KCNIP4: variants seen among roughly 807,000 people sequenced by gnomAD.
KCNIP4 encodes Kv channel-interacting protein 4.
A neutral mutation model predicts 34.0 loss-of-function variants in KCNIP4; 12 were observed. The ratio of observed to expected loss-of-function variants is 0.35; its 90% CI spans 0.23 to 0.57. The LOEUF (loss-of-function observed/expected upper bound fraction) is 0.57. Ranked by LOEUF, KCNIP4 falls within the 20% of genes least tolerant of loss-of-function variation. KCNIP4 has a pLI of 0.83. For missense variants in KCNIP4, 238 were observed against 311.7 expected (o/e 0.76, Z 1.78); for synonymous variants, 124 against 102.2 (o/e 1.21, Z -1.29).
At chr4:20,764,681 GACAC>G (rs5856578) in intron 3 of KCNIP4, among the ~76,000 whole-genome samples, 242 of 147,216 alleles carry the variant, frequency 1.6e-3, no homozygotes, top group Middle Eastern at 3.4e-3. Context: ...ATGGGAATTG[GACAC>G]ACACACACAC....
intron 3 of KCNIP4, among the ~76,000 whole-genome samples, chr4:20,801,349 T>C (rs1014564197): frequency 6.6e-6 from 1 of 151,370 alleles, no homozygotes. Flanking sequence ...TATATGCAAC[T>C]ATAAAACTCA....
At chr4:20,973,784 G>T (rs971700420) in intron 1 of KCNIP4, among the ~76,000 whole-genome samples, 1 of 152,126 alleles carries the variant, frequency 6.6e-6, no homozygotes, top group African/African-American at 2.4e-5. Flanking sequence ...CGGCCCTGTG[G>T]AGAGGGTGAG....
intron 3 of KCNIP4, among the ~76,000 whole-genome samples, chr4:20,778,680 G>A (rs531191087): frequency 6.6e-6 from 1 of 152,248 alleles, no homozygotes; most frequent in East Asian, 1.9e-4. Context: ...AATATTGGTA[G>A]CCATGGAAAA....
chr4:21,427,082 T>C (rs1384868492), intron 1 of KCNIP4, among the ~76,000 whole-genome samples: 1 of 152,116 alleles, frequency 6.6e-6, no homozygotes, highest in African/African-American at 2.4e-5. Flanking sequence ...GAATTTTCAA[T>C]ACATGACTGA....
chr4:21,891,907 G>A (rs1727118994), intron 1 of KCNIP4, among the ~76,000 whole-genome samples: 1 of 152,044 alleles, frequency 6.6e-6, no homozygotes, highest in African/African-American at 2.4e-5. Flanking sequence ...TTTCAGAACG[G>A]TTTTGATTAA....
intron 1 of KCNIP4, among the ~76,000 whole-genome samples, chr4:20,991,558 C>A (rs1196604363): frequency 6.6e-6 from 1 of 152,024 alleles, no homozygotes; most frequent in East Asian, 1.9e-4. Flanking sequence ...TCATAGATGG[C>A]CAGGGAGACG....
intron 3 of KCNIP4, among the ~76,000 whole-genome samples, chr4:20,847,061 C>T (rs374574011): frequency 2.0e-5 from 3 of 152,124 alleles, no homozygotes; most frequent in South Asian, 4.1e-4. Context: ...CCAAACACTG[C>T]CTGGGAAGTA....
intron 1 of KCNIP4, chr4:21,697,707 G>T: frequency 8.2e-7 from 1 of 1,223,288 alleles, no homozygotes; most frequent in Non-Finnish European, 1.0e-6. Context: ...GCAACAGACA[G>T]GCTGCCGGTT....
intron 1 of KCNIP4, among the ~76,000 whole-genome samples, chr4:21,134,903 G>A (rs1393483669): frequency 6.6e-6 from 1 of 152,220 alleles, no homozygotes; most frequent in East Asian, 1.9e-4. Context: ...AAACTACCAT[G>A]ATGGAGTGGT....
rs752893474 is a variant in KCNIP4 at position 21,948,581 on chromosome 4, G to A, written c.51C>T (p.Ser17=). 6.2e-7 allele frequency: 1 copy of A among 1,613,532 alleles called. No individual in the cohort carries two copies. The highest frequency in any genetic ancestry group is 8.5e-7 in the Non-Finnish European group (1 of 1,179,764). ...CTTATTGCATCCTACCGCCTGTAGAGCTGGCCTCCTCCAGCTGAGCCGAAA... is the reference window on the plus strand; with the variant it reads ...CTTATTGCATCCTACCGCCTGTAGAACTGGCCTCCTCCAGCTGAGCCGAAA... ...ESISAQLEEA[S]STGGFLYAQN... Residue 17 remains serine, a synonymous_variant, in exon 1 of 9, where the codon AGC becomes AGT. Transcript: ENST00000382152.
At chr4:21,437,720 T>C (rs894501451) in intron 1 of KCNIP4, among the ~76,000 whole-genome samples, 1 of 152,230 alleles carries the variant, frequency 6.6e-6, no homozygotes, top group Non-Finnish European at 1.5e-5. Flanking sequence ...ATAGTGTTCC[T>C]AAGCCAGATG....
chr4:20,743,280 A>G (rs541920500), intron 5 of KCNIP4, among the ~76,000 whole-genome samples: 1 of 152,326 alleles, frequency 6.6e-6, no homozygotes, highest in East Asian at 1.9e-4. Context: ...TTTAAAGTTC[A>G]TATGGAACCA....
intron 1 of KCNIP4, among the ~76,000 whole-genome samples, chr4:21,691,858 G>A (rs896863430): frequency 4.6e-5 from 7 of 151,750 alleles, no homozygotes; most frequent in African/African-American, 1.2e-4. Flanking sequence ...GCCACCATGC[G>A]CAGCTAACTT....
chr4:21,795,480 A>G (rs1720563230), intron 1 of KCNIP4, among the ~76,000 whole-genome samples: 1 of 152,208 alleles, frequency 6.6e-6, no homozygotes, highest in South Asian at 2.1e-4. Flanking sequence ...GCAAAGTGAT[A>G]CTAATATAGA....
chr4:21,777,430 G>A (rs1719257406), intron 1 of KCNIP4, among the ~76,000 whole-genome samples: 1 of 151,994 alleles, frequency 6.6e-6, no homozygotes, highest in Admixed American at 6.6e-5. Context: ...CCTTCATATG[G>A]TGCCACAAAG....
intron 1 of KCNIP4, among the ~76,000 whole-genome samples, chr4:21,030,142 C>T (rs181657189): frequency 1.5e-3 from 230 of 152,282 alleles, no homozygotes; most frequent in African/African-American, 5.2e-3. Flanking sequence ...AAAGTTTCTT[C>T]TGTATTTACA....
chr4:21,340,114 C>T (rs1024491952), intron 1 of KCNIP4, among the ~76,000 whole-genome samples: 14 of 152,064 alleles, frequency 9.2e-5, no homozygotes, highest in African/African-American at 1.4e-4. Flanking sequence ...TTCTTACTAA[C>T]GAATGAAAAG....
intron 1 of KCNIP4, among the ~76,000 whole-genome samples, chr4:21,126,132 A>G (rs1255364045): frequency 1.3e-5 from 2 of 152,036 alleles, no homozygotes; most frequent in Non-Finnish European, 2.9e-5. Context: ...TCATTTTTCC[A>G]TGACCTTTTA....
chr4:21,297,261 A>G (rs943637773), intron 1 of KCNIP4, among the ~76,000 whole-genome samples: 2 of 152,206 alleles, frequency 1.3e-5, no homozygotes, highest in East Asian at 1.9e-4. Context: ...TCTGTGGGGT[A>G]TCTGAACTGG....
Sources: gnomAD v4.1 joint callset for allele counts (sites outside exome capture counted in the v4.1 genomes callset) on GRCh38, gnomAD v4.1.1 for gene constraint, MANE v1.5 for transcripts, NCBI Gene and HGNC (gene_info 2026-07-23, HGNC 2026-07-21) for gene names.